The following DSC3 variants were observed in gnomAD, a reference collection of about 807,000 sequenced individuals.
DSC3 encodes the protein desmocollin-3.
Under a neutral mutation model 89.5 loss-of-function variants are expected in DSC3, and 97 were observed. That is an observed-to-expected ratio of 1.08 (90% CI 0.92 to 1.28). DSC3 has a LOEUF of 1.28. DSC3 is among the 50% of genes most tolerant of loss of function. DSC3 has a pLI of 0.00. For synonymous variants in DSC3, 436 were observed against 384.1 expected, an observed-to-expected ratio of 1.14 and a Z score of -1.58; for missense variants, 1,199 against 1,085.3, an observed-to-expected ratio of 1.10 and a Z score of -1.47.
At chr18:31,027,468 C>CTTCCTTCCTTCCTTCA (rs1567959582) in intron 4 of DSC3, among the ~76,000 whole-genome samples, 4 of 148,034 alleles carry the variant, frequency 2.7e-5, no homozygotes, top group South Asian at 4.2e-4. Flanking sequence ...CATTGGTTTC[C>CTTCCTTCCTTCCTTCA]TTCCTTCCTT....
In DSC3 at chr18:31,008,344, T is replaced by C. The variant is rs1273821221; in HGVS notation, c.1445A>G (p.Glu482Gly). 4 of 1,614,058 alleles carry C rather than the reference T, an allele frequency of 2.5e-6. No homozygotes were observed. The highest frequency in any genetic ancestry group is 3.4e-6 in the Non-Finnish European group (4 of 1,180,030). ...TPAAQYVRIK[E>G]NLAVGSKING... is the part of the protein sequence containing the mutation. The stretch of plus-strand genomic sequence containing the variant: ...GATCTTTGACCCCACTGCTAAGTTT[T>C]CTTTAATCCGCACATATTGGGCTGC... Residue 482 changes from glutamate (E) to glycine (G), a missense_variant, in exon 10 of 16, where the codon GAA becomes GGA. By Grantham distance (98) the Glu-to-Gly change is moderately conservative. Transcript: ENST00000360428.
intron 9 of DSC3, among the ~76,000 whole-genome samples, chr18:31,012,759 T>C (rs571124238): frequency 6.6e-6 from 1 of 152,116 alleles, no homozygotes; most frequent in Non-Finnish European, 1.5e-5. Context: ...AAATTGATAG[T>C]AAAAACTTAA....
At chr18:31,005,624 C>T (rs1324391247) in intron 12 of DSC3, among the ~76,000 whole-genome samples, 1 of 152,168 alleles carries the variant, frequency 6.6e-6, no homozygotes, top group Non-Finnish European at 1.5e-5. Flanking sequence ...TTCTTTTATG[C>T]ACATTATTAA....
At chr18:31,000,895 T>C (rs1229094447) in intron 14 of DSC3, among the ~76,000 whole-genome samples, 1 of 151,864 alleles carries the variant, frequency 6.6e-6, no homozygotes, top group East Asian at 1.9e-4. Context: ...CCTATTTTGC[T>C]TTTCCATAAA....
In DSC3 at chr18:31,018,318, G is replaced by A. The variant is rs563349961; in HGVS notation, c.1078-62C>T. 8 of 1,338,018 alleles carry A rather than the reference G, an allele frequency of 6.0e-6. No homozygotes were observed. The East Asian group carries it at 1.2e-4, about 20-fold the overall frequency. 82.9% of individuals were successfully genotyped at this position (1,338,018 alleles called of 1,614,324 possible). A position where few individuals can be genotyped will look rare whatever the true frequency, so the allele number is the denominator to read the frequency against. Reference sequence around the variant, plus strand: ...ATTTTATAGACAACTTTAAAAAAAAGTTTCTTCCATTCCAAAAATACTTAC... The same window carrying A: ...ATTTTATAGACAACTTTAAAAAAAAATTTCTTCCATTCCAAAAATACTTAC... On this transcript the variant is annotated intron_variant, in intron 8 of 15. Coordinates refer to ENST00000360428, the MANE Select transcript of DSC3 (RefSeq NM_001941.5).
intron 7 of DSC3, among the ~76,000 whole-genome samples, chr18:31,021,307 A>G (rs1046525323): frequency 1.3e-5 from 2 of 152,184 alleles, no homozygotes; most frequent in African/African-American, 4.8e-5. Flanking sequence ...TTACTACATC[A>G]TCCCTACAAA....
chr18:31,008,662 C>T (rs1486133772), intron 9 of DSC3, 137 bp from the exon 10 acceptor site: 17 of 1,170,978 alleles, frequency 1.5e-5, no homozygotes, highest in Non-Finnish European at 2.0e-5. Context: ...ACTTTTATCC[C>T]TTGCTAAACA....
At chr18:31,010,249 G>T (rs1398982986) in intron 9 of DSC3, among the ~76,000 whole-genome samples, 2 of 152,152 alleles carry the variant, frequency 1.3e-5, no homozygotes, top group African/African-American at 2.4e-5. Context: ...CCACAAACTG[G>T]AGAGTCAAGG....
intron 1 of DSC3, among the ~76,000 whole-genome samples, chr18:31,040,858 A>G (rs1488869576): frequency 6.6e-6 from 1 of 152,210 alleles, no homozygotes; most frequent in Non-Finnish European, 1.5e-5. Context: ...GAGATGGTCA[A>G]GAGAAGTGTT....
intron 9 of DSC3, among the ~76,000 whole-genome samples, chr18:31,016,811 G>A (rs548007067): frequency 7.2e-5 from 11 of 152,244 alleles, no homozygotes; most frequent in Non-Finnish European, 1.5e-4. Context: ...TAATTATGAG[G>A]CAAGTTCTAC....
intron 1 of DSC3, among the ~76,000 whole-genome samples, chr18:31,037,319 A>G (rs1285202111): frequency 6.6e-6 from 1 of 152,184 alleles, no homozygotes; most frequent in African/African-American, 2.4e-5. Flanking sequence ...GTTAATAGAT[A>G]GTGTTGGATT....
At chr18:31,018,344 C>T in intron 8 of DSC3, 88 bp from the exon 9 acceptor site, 1 of 982,774 alleles carries the variant, frequency 1.0e-6, no homozygotes, top group Non-Finnish European at 1.5e-6. Flanking sequence ...AAATACTTAC[C>T]ATTATAATTT....
At chr18:31,015,885 CT>C (rs939688032) in intron 9 of DSC3, among the ~76,000 whole-genome samples, 1 of 152,144 alleles carries the variant, frequency 6.6e-6, no homozygotes, top group African/African-American at 2.4e-5. Flanking sequence ...AGTCATGACC[CT>C]GCTGATTAAA....
intron 9 of DSC3, among the ~76,000 whole-genome samples, chr18:31,012,593 T>C (rs899820845): frequency 6.6e-6 from 1 of 152,218 alleles, no homozygotes; most frequent in Non-Finnish European, 1.5e-5. Flanking sequence ...AGTCTACTCA[T>C]CTGGAAATGA....
Position 31,025,932 on chromosome 18 carries a change from A to C in DSC3, c.475-17T>G. ...AGATTCAACCTAAAAGTAGAAAAAAAATATGCAAAAAAATTAAAACTAAAT... is the reference window on the plus strand; with the variant it reads ...AGATTCAACCTAAAAGTAGAAAAAACATATGCAAAAAAATTAAAACTAAAT... On this transcript the variant is annotated splice_polypyrimidine_tract_variant and intron_variant, in intron 4 of 15. Transcript: ENST00000360428. 1.2e-6 allele frequency: 2 copies of C among 1,607,524 alleles called. No individual in the cohort carries two copies. Among genetic ancestry groups the C allele is most frequent in the East Asian group, 4.5e-5 (2 of 44,760 alleles).
intron 10 of DSC3, 55 bp from the exon 11 acceptor site, chr18:31,008,213 A>G: frequency 6.2e-7 from 1 of 1,609,770 alleles, no homozygotes. Flanking sequence ...CAAATAAGTT[A>G]CTATCTCAAT....
intron 4 of DSC3, 52 bp downstream of exon 4, chr18:31,029,457 A>G: frequency 6.2e-7 from 1 of 1,607,564 alleles, no homozygotes; most frequent in South Asian, 1.1e-5. Context: ...AATCTCAATG[A>G]AACAGACTCT....
Position 31,008,168 on chromosome 18 carries a change from A to C in DSC3, c.1521-10T>G. On this transcript the variant is annotated splice_polypyrimidine_tract_variant and intron_variant, in intron 10 of 15. Coordinates refer to ENST00000360428, the MANE Select transcript of DSC3 (RefSeq NM_001941.5). ...ATGCAATTTTTTGTACCTGTTAATA[A>C]AAAAAAAATAGTCTTTAGCATCAGA... 6.3e-7 allele frequency: 1 copy of C among 1,599,014 alleles called. No homozygotes were observed.
In DSC3 at chr18:31,022,205, G is replaced by A. The variant is rs375797070; in HGVS notation, c.942+131C>T. ...AATAATATAAAAAACAGAAAAAATT[G>A]TTAGGAATTCTTATTGTCTTATGCC... On this transcript the variant is annotated intron_variant, in intron 7 of 15. Coordinates refer to ENST00000360428, the MANE Select transcript of DSC3 (RefSeq NM_001941.5). 308 of 1,120,074 alleles carry A rather than the reference G, an allele frequency of 2.7e-4. 2 individuals are homozygous for A. Among genetic ancestry groups the A allele is most frequent in the African/African-American group, 2.7e-3 (170 of 63,210 alleles). 69.4% of individuals were successfully genotyped at this position (1,120,074 alleles called of 1,614,324 possible). A position where few individuals can be genotyped will look rare whatever the true frequency, so the allele number is the denominator to read the frequency against.
Sources: allele counts gnomAD v4.1 joint callset (sites outside exome capture counted in the v4.1 genomes callset), GRCh38; gene constraint gnomAD v4.1.1; transcripts MANE v1.5; gene names NCBI Gene and HGNC (gene_info 2026-07-23, HGNC 2026-07-21).